The following ZBBX variants were observed in gnomAD, a reference collection of about 807,000 sequenced individuals.
ZBBX encodes the protein zinc finger B-box domain-containing protein 1.
A neutral mutation model predicts 108.5 loss-of-function variants in ZBBX; 101 were observed. The ratio of observed to expected loss-of-function variants is 0.93; its 90% CI spans 0.79 to 1.10. The LOEUF is 1.10. ZBBX is among the 50% of genes least tolerant of loss of function. The pLI is 0.00. For missense variants in ZBBX, 1,009 were observed against 941.4 expected, an observed-to-expected ratio of 1.07 and a Z score of -0.94; for synonymous variants, 356 against 323.4, an observed-to-expected ratio of 1.10 and a Z score of -1.08.
intron 9 of ZBBX, among the ~76,000 whole-genome samples, chr3:167,341,045 A>T (rs1475498731): frequency 6.6e-6 from 1 of 151,950 alleles, no homozygotes; most frequent in Non-Finnish European, 1.5e-5. Context: ...GCAAATGTGA[A>T]ATTCATGTGG....
At chr3:167,299,113 T>TA (rs1187483117) in intron 17 of ZBBX, among the ~76,000 whole-genome samples, 1 of 152,046 alleles carries the variant, frequency 6.6e-6, no homozygotes, top group Admixed American at 6.5e-5. Flanking sequence ...ACTGGGATTT[T>TA]AAAAAATGTG....
chr3:167,370,027 A>T (rs1417182326), intron 4 of ZBBX, among the ~76,000 whole-genome samples: 1 of 152,152 alleles, frequency 6.6e-6, no homozygotes, highest in African/African-American at 2.4e-5. Context: ...AGAAATTGGG[A>T]TTTATATTGT....
intron 8 of ZBBX, 49 bp downstream of exon 8, chr3:167,359,821 A>T: frequency 1.1e-6 from 1 of 924,602 alleles, no homozygotes; most frequent in Non-Finnish European, 1.5e-6. Context: ...CTAACTGCTT[A>T]ATATACCTAC....
intron 11 of ZBBX, among the ~76,000 whole-genome samples, chr3:167,327,500 C>G (rs1447280297): frequency 3.9e-5 from 6 of 152,172 alleles, no homozygotes. Flanking sequence ...GTGCATACTC[C>G]TTTGAGGAGT....
chr3:167,228,783 C>G, the ZBBX span, among the ~76,000 whole-genome samples: 1 of 151,782 alleles, frequency 6.6e-6, no homozygotes, highest in Non-Finnish European at 1.5e-5. Context: ...GCCCATGACC[C>G]CATCATTCAT....
chr3:167,248,598 T>A, intron 20 of ZBBX: 1 of 456,556 alleles, frequency 2.2e-6, no homozygotes, highest in Non-Finnish European at 4.4e-6. Flanking sequence ...ATAAACAGCC[T>A]CTAAAATACC....
At chr3:167,212,261 G>A in the ZBBX span, among the ~76,000 whole-genome samples, 3 of 152,056 alleles carry the variant, frequency 2.0e-5, no homozygotes, top group African/African-American at 7.2e-5. Flanking sequence ...TTGCCAGACT[G>A]TTACCTGACT....
At chr3:167,402,563 C>A (rs963187199) in intron 1 of ZBBX, among the ~76,000 whole-genome samples, 2 of 151,920 alleles carry the variant, frequency 1.3e-5, no homozygotes, top group African/African-American at 4.8e-5. Flanking sequence ...ATTACGAGAC[C>A]TACGTAGAGG....
At chr3:167,284,531 A>G (rs1560071958) in intron 19 of ZBBX, among the ~76,000 whole-genome samples, 1 of 152,174 alleles carries the variant, frequency 6.6e-6, no homozygotes, top group African/African-American at 2.4e-5. Flanking sequence ...TAAGGACTGG[A>G]CTTCTGCCAA....
intron 20 of ZBBX, among the ~76,000 whole-genome samples, chr3:167,250,765 C>T (rs993278819): frequency 1.3e-5 from 2 of 151,940 alleles, no homozygotes; most frequent in African/African-American, 2.4e-5. Context: ...CCGGAGGGGT[C>T]GAGGAAGTGC....
intron 17 of ZBBX, among the ~76,000 whole-genome samples, chr3:167,304,908 CA>C (rs35039176): frequency 0.26 from 39,027 of 151,806 alleles, 5,752 homozygotes; most frequent in South Asian, 0.34. Flanking sequence ...ATCCTCCAAG[CA>C]GAAGTAGCAG....
intron 4 of ZBBX, among the ~76,000 whole-genome samples, chr3:167,369,515 G>A (rs1745848086): frequency 6.6e-6 from 1 of 152,204 alleles, no homozygotes; most frequent in Non-Finnish European, 1.5e-5. Context: ...AGGGTTCAGA[G>A]AAGCTGGCTA....
the ZBBX span, among the ~76,000 whole-genome samples, chr3:167,190,474 G>A: frequency 2.7e-5 from 4 of 149,824 alleles, no homozygotes; most frequent in Non-Finnish European, 4.4e-5. Flanking sequence ...TCCGCCTCCC[G>A]GGTTCATGCC....
At chr3:167,301,365 GT>G (rs1732640538) in intron 17 of ZBBX, among the ~76,000 whole-genome samples, 1 of 152,172 alleles carries the variant, frequency 6.6e-6, no homozygotes, top group East Asian at 1.9e-4. Context: ...CCCTGAGAAA[GT>G]GGATTGGATA....
chr3:167,228,245 T>G, the ZBBX span, among the ~76,000 whole-genome samples: 2 of 151,808 alleles, frequency 1.3e-5, no homozygotes, highest in Admixed American at 1.3e-4. Context: ...GCCAAAGAGT[T>G]AAAGTGTTTC....
chr3:167,205,800 A>C, the ZBBX span, among the ~76,000 whole-genome samples: 1 of 152,220 alleles, frequency 6.6e-6, no homozygotes, highest in African/African-American at 2.4e-5. Flanking sequence ...ACATCTCAGA[A>C]TAAAATAGTA....
intron 10 of ZBBX, among the ~76,000 whole-genome samples, chr3:167,330,871 G>GAGAAGAAGA (rs1303832807): frequency 1.1e-3 from 50 of 43,942 alleles, no homozygotes; most frequent in Middle Eastern, 0.011. Context: ...GGAGGAGGAG[G>GAGAAGAAGA]AGAAGAAGAA....
At chr3:167,315,001 G>A (rs1735192312) in intron 15 of ZBBX, among the ~76,000 whole-genome samples, 1 of 152,116 alleles carries the variant, frequency 6.6e-6, no homozygotes, top group African/African-American at 2.4e-5. Flanking sequence ...CTAGAGAGCT[G>A]GTTCTGTGTG....
At chr3:167,185,781 C>A in the ZBBX span, among the ~76,000 whole-genome samples, 1 of 151,980 alleles carries the variant, frequency 6.6e-6, no homozygotes, top group Non-Finnish European at 1.5e-5. Flanking sequence ...GCTTTTCCAC[C>A]TACAAGTAAG....
Sources: allele counts gnomAD v4.1 joint callset (sites outside exome capture counted in the v4.1 genomes callset), GRCh38; gene constraint gnomAD v4.1.1; transcripts MANE v1.5; gene names NCBI Gene and HGNC (gene_info 2026-07-23, HGNC 2026-07-21).